MAF: variants seen among roughly 807,000 people sequenced by gnomAD.
The protein encoded by MAF is transcription factor Maf.
Under a neutral mutation model 22.0 loss-of-function variants are expected in MAF, and 10 were observed. The ratio of observed to expected loss-of-function variants is 0.45; its 90% confidence interval spans 0.28 to 0.77. MAF has a LOEUF of 0.77. Ranked by LOEUF, MAF falls within the 30% of genes least tolerant of loss-of-function variation. MAF has a pLI of 0.12. For missense variants in MAF, 544 were observed against 548.4 expected (o/e 0.99, Z 0.08); for synonymous variants, 337 against 255.8 (o/e 1.32, Z -3.03).
the MAF span, among the ~76,000 whole-genome samples, chr16:79,576,152 A>G: frequency 6.6e-6 from 1 of 151,710 alleles, no homozygotes; most frequent in Non-Finnish European, 1.5e-5. Context: ...TGATTAATAA[A>G]ATGAATACAA....
the MAF span, among the ~76,000 whole-genome samples, chr16:79,241,427 A>T: frequency 3.3e-5 from 5 of 152,238 alleles, no homozygotes; most frequent in South Asian, 1.0e-3. Context: ...TTGATCAGAC[A>T]GAAGAAAGGA....
At chr16:79,350,941 C>A in the MAF span, among the ~76,000 whole-genome samples, 3 of 151,378 alleles carry the variant, frequency 2.0e-5, no homozygotes, top group Non-Finnish European at 4.4e-5. Context: ...ACTATGTGCT[C>A]AAGAGGAAAC....
At chr16:79,438,532 G>T in the MAF span, among the ~76,000 whole-genome samples, 2 of 152,150 alleles carry the variant, frequency 1.3e-5, no homozygotes, top group Admixed American at 6.5e-5. Flanking sequence ...CTTATTTTGC[G>T]TCAGTGGCTC....
the MAF span, among the ~76,000 whole-genome samples, chr16:79,244,515 A>G: frequency 3.0e-3 from 459 of 152,100 alleles, 11 homozygotes; most frequent in Admixed American, 0.023. Flanking sequence ...ACAAGAGATT[A>G]TGAAGGACTT....
At chr16:79,212,350 G>GACACCCAGAGGGAGTAGAATACGCAGA in the MAF span, 5 of 619,268 alleles carry the variant, frequency 8.1e-6, no homozygotes, top group Non-Finnish European at 1.3e-5. Context: ...GGATGACAGT[G>GACACCCAGAGGGAGTAGAATACGCAGA]ACACCCAGAG....
At chr16:79,363,177 G>C in the MAF span, among the ~76,000 whole-genome samples, 1 of 151,180 alleles carries the variant, frequency 6.6e-6, no homozygotes, top group Admixed American at 6.6e-5. Flanking sequence ...AGAAATCAGA[G>C]ATGCAAAGAT....
At chr16:79,529,866 CA>C in the MAF span, among the ~76,000 whole-genome samples, 2 of 151,512 alleles carry the variant, frequency 1.3e-5, no homozygotes, top group Non-Finnish European at 2.9e-5. Flanking sequence ...AAGGCTGAGG[CA>C]GGAGAATCGC....
downstream of MAF, among the ~76,000 whole-genome samples, chr16:79,584,222 C>T (rs1188391908): frequency 2.0e-5 from 3 of 152,014 alleles, no homozygotes; most frequent in Non-Finnish European, 2.9e-5. Flanking sequence ...TTGAAATTAG[C>T]CAGAGAGCAG....
chr16:79,327,704 C>T, the MAF span, among the ~76,000 whole-genome samples: 1 of 152,170 alleles, frequency 6.6e-6, no homozygotes, highest in Non-Finnish European at 1.5e-5. Flanking sequence ...TGACAAGCCT[C>T]GTACTGTCGC....
chr16:79,368,507 A>T, the MAF span, among the ~76,000 whole-genome samples: 1 of 152,122 alleles, frequency 6.6e-6, no homozygotes, highest in Non-Finnish European at 1.5e-5. Context: ...CACTTTTCAC[A>T]AAAGGGACAC....
At chr16:79,552,885 A>G in the MAF span, among the ~76,000 whole-genome samples, 2 of 152,234 alleles carry the variant, frequency 1.3e-5, no homozygotes, top group Admixed American at 6.5e-5. Flanking sequence ...ATGCCATTGC[A>G]ATCCCAATCT....
the MAF span, among the ~76,000 whole-genome samples, chr16:79,401,983 G>A: frequency 2.0e-5 from 3 of 152,196 alleles, no homozygotes; most frequent in Non-Finnish European, 4.4e-5. Flanking sequence ...TTTTATAGAT[G>A]AGGACCCTGA....
the MAF span, among the ~76,000 whole-genome samples, chr16:79,218,357 G>C: frequency 3.3e-5 from 5 of 152,066 alleles, no homozygotes; most frequent in Admixed American, 1.3e-4. Context: ...GGACATTTAG[G>C]TTATTTCTAG....
the MAF span, among the ~76,000 whole-genome samples, chr16:79,534,045 T>C: frequency 6.6e-6 from 1 of 152,168 alleles, no homozygotes; most frequent in Non-Finnish European, 1.5e-5. Flanking sequence ...CAAGAGCCCT[T>C]TGACTCTGCT....
chr16:79,481,561 C>A, the MAF span, among the ~76,000 whole-genome samples: 1 of 152,004 alleles, frequency 6.6e-6, no homozygotes, highest in Non-Finnish European at 1.5e-5. Context: ...CCTTTTAATC[C>A]ATTCATCTAC....
At chr16:79,451,889 A>C in the MAF span, among the ~76,000 whole-genome samples, 75 of 152,332 alleles carry the variant, frequency 4.9e-4, no homozygotes, top group African/African-American at 1.6e-3. Context: ...ATTTCAAACT[A>C]GGTAGAGCAA....
At chr16:79,386,406 G>A in the MAF span, among the ~76,000 whole-genome samples, 1 of 152,102 alleles carries the variant, frequency 6.6e-6, no homozygotes, top group African/African-American at 2.4e-5. Context: ...GTTCGCAATA[G>A]GGTTCATGCT....
the MAF span, among the ~76,000 whole-genome samples, chr16:79,498,116 T>G: frequency 6.6e-6 from 1 of 152,204 alleles, no homozygotes; most frequent in African/African-American, 2.4e-5. Flanking sequence ...AAATCATCAT[T>G]AAACCTGAGG....
chr16:79,212,072 T>C, the MAF span: 2 of 1,536,414 alleles, frequency 1.3e-6, no homozygotes, highest in Non-Finnish European at 1.7e-6. Context: ...GGTGTGTAGG[T>C]TCCGTATCTC....
Sources: gnomAD v4.1 joint callset for allele counts (sites outside exome capture counted in the v4.1 genomes callset) on GRCh38, gnomAD v4.1.1 for gene constraint, MANE v1.5 for transcripts, NCBI Gene and HGNC (gene_info 2026-07-23, HGNC 2026-07-21) for gene names.